Variants in RFTN2 observed in about 807,000 individuals in gnomAD.
The protein encoded by RFTN2 is raftlin-2.
RFTN2 carries 34 observed loss-of-function variants against 52.7 expected under a neutral mutation model. That is an observed-to-expected ratio of 0.64 (90% CI 0.49 to 0.86). The LOEUF (loss-of-function observed/expected upper bound fraction) is 0.86, where lower values mean the gene tolerates loss of function less well. RFTN2 is among the 40% of genes least tolerant of loss of function. The pLI, the probability that RFTN2 is intolerant of heterozygous loss-of-function variation, is 0.00. For synonymous variants in RFTN2, 203 were observed against 217.7 expected (o/e 0.93, Z 0.59); for missense variants, 536 against 600.1 (o/e 0.89, Z 1.12).
At position 197,640,084 on chromosome 2, in the gene RFTN2, G is replaced by C. The variant is rs200765464; in HGVS notation, c.438+4074C>G. 4.9e-4 allele frequency among the ~76,000 whole-genome samples: 74 copies of C among 152,280 alleles called. 1 individual carries two copies. The highest frequency in any genetic ancestry group is 9.8e-4 in the Admixed American group (15 of 15,296). Reference sequence around the variant, plus strand: ...GGGGTCAGGGACCCACTTGAGGAGGGAGTCTGCCCGTTCTCAGATCTCCAG... The same window carrying C: ...GGGGTCAGGGACCCACTTGAGGAGGCAGTCTGCCCGTTCTCAGATCTCCAG... On this transcript the variant is annotated intron_variant, in intron 3 of 8. Coordinates refer to ENST00000295049, the MANE Select transcript of RFTN2 (RefSeq NM_144629.3).
chr2:197,662,039 T>A (rs962002212), intron 1 of RFTN2, among the ~76,000 whole-genome samples: 1 of 152,228 alleles, frequency 6.6e-6, no homozygotes, highest in Non-Finnish European at 1.5e-5. Flanking sequence ...TGGATGTTAG[T>A]CCCTTGTTGG....
At chr2:197,599,510 G>C (rs1011710253) in intron 7 of RFTN2, among the ~76,000 whole-genome samples, 3 of 152,132 alleles carry the variant, frequency 2.0e-5, no homozygotes, top group Non-Finnish European at 4.4e-5. Flanking sequence ...GTGAGAAGGA[G>C]AAAGAGGAAG....
chr2:197,618,085 T>TCCCTCC (rs2088177536), intron 5 of RFTN2, 164 bp from the exon 6 acceptor site: 1 of 300,704 alleles, frequency 3.3e-6, no homozygotes, highest in African/African-American at 2.7e-5. Context: ...CCTCTCCCTC[T>TCCCTCC]CCCCACGGTC....
At chr2:197,675,246 TAAGTC>T in intron 1 of RFTN2, 69 bp downstream of exon 1, 1 of 1,192,086 alleles carries the variant, frequency 8.4e-7, no homozygotes, top group Non-Finnish European at 1.1e-6. Context: ...AAAAATTTAT[TAAGTC>T]AACACTTAAA....
chr2:197,575,851 T>C (rs1026736645), intron 8 of RFTN2, among the ~76,000 whole-genome samples: 5 of 142,592 alleles, frequency 3.5e-5, no homozygotes, highest in African/African-American at 1.3e-4. Context: ...ATATATTTTA[T>C]ATACATAATA....
At chr2:197,631,850 C>T (rs2088474130) in intron 4 of RFTN2, among the ~76,000 whole-genome samples, 1 of 152,104 alleles carries the variant, frequency 6.6e-6, no homozygotes, top group African/African-American at 2.4e-5. Flanking sequence ...TGGATCCACA[C>T]CTATGTTTGT....
chr2:197,573,725 G>A (rs557942781), intron 8 of RFTN2, among the ~76,000 whole-genome samples: 2 of 152,216 alleles, frequency 1.3e-5, no homozygotes, highest in Non-Finnish European at 2.9e-5. Flanking sequence ...CCCATCACAA[G>A]CCTGGAGGCC....
At position 197,675,190 on chromosome 2, in the gene RFTN2, G is replaced by A. The variant is rs537716372; in HGVS notation, c.139+130C>T. 1.8e-5 allele frequency: 12 copies of A among 663,414 alleles called. No homozygotes were observed. The South Asian group carries it at 2.0e-4, about 11-fold the overall frequency. The allele number at this position is 663,414 out of a possible 1,614,324, so 41.1% of individuals were successfully genotyped here. A position where few individuals can be genotyped will look rare whatever the true frequency, so the allele number is the denominator to read the frequency against. Reference sequence around the variant, plus strand: ...ATCTTACAAAGTATAATTAAGAAGCGAAGCATTATTGTTTGAATATACAAT... The same window carrying A: ...ATCTTACAAAGTATAATTAAGAAGCAAAGCATTATTGTTTGAATATACAAT... On this transcript the variant is annotated intron_variant, in intron 1 of 8. Coordinates refer to ENST00000295049, the MANE Select transcript of RFTN2 (RefSeq NM_144629.3).
chr2:197,675,156 A>C (rs2089198596), intron 1 of RFTN2, among the ~76,000 whole-genome samples, 164 bp downstream of exon 1: 1 of 152,220 alleles, frequency 6.6e-6, no homozygotes, highest in African/African-American at 2.4e-5. Context: ...AGCAATCAAC[A>C]AAACAAAAAT....
At chr2:197,613,516 C>G (rs2088096800) in intron 7 of RFTN2, among the ~76,000 whole-genome samples, 1 of 152,196 alleles carries the variant, frequency 6.6e-6, no homozygotes, top group African/African-American at 2.4e-5. Flanking sequence ...CGGGCTCTAT[C>G]CTCTATTTTG....
intron 4 of RFTN2, among the ~76,000 whole-genome samples, chr2:197,632,381 C>T (rs59938443): frequency 0.18 from 28,012 of 152,078 alleles, 2,714 homozygotes; most frequent in Middle Eastern, 0.28. Context: ...TTAGTTCTCA[C>T]AGGATCTGAT....
chr2:197,619,123 C>A (rs1365392164), intron 5 of RFTN2, among the ~76,000 whole-genome samples: 4 of 148,504 alleles, frequency 2.7e-5, no homozygotes, highest in Non-Finnish European at 4.5e-5. Flanking sequence ...CCGCCCCGTC[C>A]GGGAGGGAGG....
intron 1 of RFTN2, among the ~76,000 whole-genome samples, chr2:197,669,443 C>A (rs2089112251): frequency 1.3e-5 from 2 of 151,134 alleles, no homozygotes; most frequent in Admixed American, 6.6e-5. Context: ...GAAAAAGACA[C>A]AAAACATGCT....
At chr2:197,669,356 C>G (rs182521548) in intron 1 of RFTN2, among the ~76,000 whole-genome samples, 14 of 149,976 alleles carry the variant, frequency 9.3e-5, no homozygotes, top group African/African-American at 3.2e-4. Flanking sequence ...TGCCTTATCC[C>G]TACTCACTTC....
intron 8 of RFTN2, among the ~76,000 whole-genome samples, chr2:197,579,443 C>T (rs1464423533): frequency 6.6e-6 from 1 of 152,208 alleles, no homozygotes; most frequent in Non-Finnish European, 1.5e-5. Context: ...AACCTAAACA[C>T]CTTATTTTCT....
intron 1 of RFTN2, among the ~76,000 whole-genome samples, chr2:197,668,350 G>A (rs962664922): frequency 2.6e-5 from 4 of 152,150 alleles, no homozygotes; most frequent in African/African-American, 7.2e-5. Context: ...CAGGCCAGCA[G>A]TGGAATGTTC....
intron 6 of RFTN2, 44 bp downstream of exon 6, chr2:197,617,756 T>C: frequency 2.5e-6 from 2 of 793,044 alleles, no homozygotes; most frequent in East Asian, 9.4e-5. Flanking sequence ...TTATATATTA[T>C]ATTTATATAT....
Position 197,626,614 on chromosome 2 carries a change from C to CTTTTTTTTTTTTTTTTTTT in RFTN2, c.928+4396_928+4397insAAAAAAAAAAAAAAAAAAA, listed in dbSNP as rs201711932. On this transcript the variant is annotated intron_variant, in intron 5 of 8. Transcript: ENST00000295049. ...AGTTAAAATAAAAAAAAGGAATAATCTTCTTTTTTTTTTTTTTTTTTTTTT... is the reference window on the plus strand; with the variant it reads ...AGTTAAAATAAAAAAAAGGAATAATCTTTTTTTTTTTTTTTTTTTTTCTTTTTTTTTTTTTTTTTTTTTT... 2.0e-5 allele frequency among the ~76,000 whole-genome samples: 2 copies of CTTTTTTTTTTTTTTTTTTT among 97,592 alleles called. 1 individual carries two copies. Among genetic ancestry groups the CTTTTTTTTTTTTTTTTTTT allele is most frequent in the Non-Finnish European group, 3.8e-5 (2 of 52,430 alleles). The allele number at this position is 97,592 out of a possible 152,430, so 64.0% of individuals were successfully genotyped here.
intron 1 of RFTN2, among the ~76,000 whole-genome samples, chr2:197,658,157 TCTAAGA>T (rs1363972537): frequency 6.7e-6 from 1 of 150,104 alleles, no homozygotes; most frequent in East Asian, 1.9e-4. Context: ...TGCTACCTTG[TCTAAGA>T]CTATTTTTAA....
Sources: allele counts gnomAD v4.1 joint callset (sites outside exome capture counted in the v4.1 genomes callset), GRCh38; gene constraint gnomAD v4.1.1; transcripts MANE v1.5; gene names NCBI Gene and HGNC (gene_info 2026-07-23, HGNC 2026-07-21).